SHISA6: variants seen among roughly 807,000 people sequenced by gnomAD.
SHISA6 encodes shisa family member 6, also known as protein shisa-6.
A neutral mutation model predicts 47.9 loss-of-function variants in SHISA6; 22 were observed. The ratio of observed to expected loss-of-function variants is 0.46; its 90% CI spans 0.33 to 0.66. The LOEUF (loss-of-function observed/expected upper bound fraction) is 0.66. Ranked by LOEUF, SHISA6 falls within the 30% of genes least tolerant of loss-of-function variation. The pLI is 0.02. For missense variants in SHISA6, 680 were observed against 764.6 expected, an observed-to-expected ratio of 0.89 and a Z score of 1.30; for synonymous variants, 388 against 337.8, an observed-to-expected ratio of 1.15 and a Z score of -1.63.
intron 2 of SHISA6, among the ~76,000 whole-genome samples, chr17:11,293,106 T>C (rs1909611105): frequency 6.6e-6 from 1 of 152,148 alleles, no homozygotes; most frequent in Non-Finnish European, 1.5e-5. Context: ...ATTACAGGTG[T>C]GAGCCACTGC....
chr17:11,296,715 G>A (rs1909762846), intron 2 of SHISA6, among the ~76,000 whole-genome samples: 1 of 152,044 alleles, frequency 6.6e-6, no homozygotes, highest in African/African-American at 2.4e-5. Context: ...ATTGAGCTAG[G>A]GGAGAAGGGG....
At chr17:11,383,031 G>T (rs529451032) in intron 3 of SHISA6, among the ~76,000 whole-genome samples, 1 of 149,038 alleles carries the variant, frequency 6.7e-6, no homozygotes, top group Non-Finnish European at 1.5e-5. Flanking sequence ...TCTGTCTCCC[G>T]GGTCCAAGCA....
At chr17:11,255,961 A>G (rs967075366) in intron 1 of SHISA6, among the ~76,000 whole-genome samples, 11 of 152,354 alleles carry the variant, frequency 7.2e-5, no homozygotes, top group African/African-American at 2.4e-4. Flanking sequence ...CTATTACATC[A>G]TTTAATCCTT....
chr17:11,323,390 C>T (rs565676985), intron 2 of SHISA6, among the ~76,000 whole-genome samples: 2 of 152,218 alleles, frequency 1.3e-5, no homozygotes, highest in South Asian at 2.1e-4. Flanking sequence ...CACGGTGGCT[C>T]ACACCTGTAA....
chr17:11,503,698 T>C (rs2071474303), intron 3 of SHISA6, among the ~76,000 whole-genome samples: 1 of 152,238 alleles, frequency 6.6e-6, no homozygotes, highest in Non-Finnish European at 1.5e-5. Flanking sequence ...TATATTGTTG[T>C]CGTCAAATGT....
intron 3 of SHISA6, among the ~76,000 whole-genome samples, chr17:11,440,908 T>C (rs1915077577): frequency 6.6e-6 from 1 of 151,222 alleles, no homozygotes; most frequent in Non-Finnish European, 1.5e-5. Context: ...GGGATAAAGA[T>C]AGCCTGGGAC....
At chr17:11,365,771 A>T (rs1486560727) in intron 2 of SHISA6, among the ~76,000 whole-genome samples, 1 of 152,206 alleles carries the variant, frequency 6.6e-6, no homozygotes, top group African/African-American at 2.4e-5. Context: ...GAGATGGACA[A>T]TAAACAATAA....
chr17:11,261,643 C>CT (rs1278615473), intron 1 of SHISA6, among the ~76,000 whole-genome samples: 1 of 152,160 alleles, frequency 6.6e-6, no homozygotes, highest in Non-Finnish European at 1.5e-5. Context: ...ATCAGTATGC[C>CT]TTTTTTAAAT....
chr17:11,283,996 A>T (rs1008002333), intron 2 of SHISA6, among the ~76,000 whole-genome samples: 2 of 152,032 alleles, frequency 1.3e-5, no homozygotes, highest in African/African-American at 2.4e-5. Flanking sequence ...CCTTGTTTGG[A>T]AATTCTTACA....
intron 3 of SHISA6, among the ~76,000 whole-genome samples, chr17:11,498,592 C>T (rs562926479): frequency 5.3e-5 from 8 of 152,290 alleles, no homozygotes; most frequent in Non-Finnish European, 1.0e-4. Context: ...TTGATCATTA[C>T]ACATTATGTC....
At chr17:11,368,453 G>A (rs1003524502) in intron 2 of SHISA6, among the ~76,000 whole-genome samples, 2 of 152,092 alleles carry the variant, frequency 1.3e-5, no homozygotes, top group Admixed American at 1.3e-4. Flanking sequence ...GTCCTTCCTG[G>A]AGCTTTGAAT....
At chr17:11,371,520 A>T (rs1294566055) in intron 2 of SHISA6, among the ~76,000 whole-genome samples, 1 of 152,210 alleles carries the variant, frequency 6.6e-6, no homozygotes, top group Non-Finnish European at 1.5e-5. Context: ...TTATTTGTGC[A>T]GAGTATTAGA....
intron 2 of SHISA6, among the ~76,000 whole-genome samples, chr17:11,368,803 C>T (rs569819897): frequency 6.2e-4 from 94 of 152,154 alleles, no homozygotes; most frequent in African/African-American, 2.0e-3. Context: ...ATTATAGGTG[C>T]GTGCCACCAT....
At chr17:11,294,227 G>A (rs903236732) in intron 2 of SHISA6, among the ~76,000 whole-genome samples, 2 of 152,120 alleles carry the variant, frequency 1.3e-5, no homozygotes, top group Non-Finnish European at 2.9e-5. Context: ...ATATCAGCTC[G>A]AATGACTCCA....
intron 2 of SHISA6, among the ~76,000 whole-genome samples, chr17:11,284,224 C>T (rs1217126721): frequency 6.6e-6 from 1 of 152,138 alleles, no homozygotes; most frequent in African/African-American, 2.4e-5. Context: ...TTTGGCTTAA[C>T]CAAATAAAGG....
intron 3 of SHISA6, among the ~76,000 whole-genome samples, chr17:11,409,222 A>T (rs971681233): frequency 3.9e-5 from 6 of 152,240 alleles, no homozygotes; most frequent in African/African-American, 1.4e-4. Flanking sequence ...TACCTAATTA[A>T]GTCAGACAGT....
At chr17:11,281,965 A>G (rs1041231622) in intron 2 of SHISA6, among the ~76,000 whole-genome samples, 7 of 152,228 alleles carry the variant, frequency 4.6e-5, no homozygotes, top group African/African-American at 7.2e-5. Context: ...TAAGTAAGCA[A>G]TGGTCAAATG....
intron 3 of SHISA6, among the ~76,000 whole-genome samples, chr17:11,507,676 G>A (rs2071510789): frequency 6.6e-6 from 1 of 152,204 alleles, no homozygotes; most frequent in Admixed American, 6.5e-5. Flanking sequence ...AGCATTTGGA[G>A]GAAGTGAGTG....
Position 11,559,539 on chromosome 17 carries a change from C to T in SHISA6, c.*1235C>T. On this transcript the variant is annotated 3_prime_UTR_variant, in exon 6 of 6. Coordinates refer to ENST00000441885, the MANE Select transcript of SHISA6 (RefSeq NM_207386.4). The surrounding 1 kb of genome is among the most constrained non-coding windows in gnomAD (Gnocchi z 4.4). ...CACTCCTACTGCCTGTGTCCCCTTC[C>T]CCCACATCCTCCCTGCAACTTTATT... 6.5e-6 allele frequency: 1 copy of T among 153,060 alleles called. No homozygotes were observed. Among genetic ancestry groups the T allele is most frequent in the African/African-American group, 2.4e-5 (1 of 41,568 alleles). 9.5% of individuals were successfully genotyped at this position (153,060 alleles called of 1,614,324 possible). A position where few individuals can be genotyped will look rare whatever the true frequency, so the allele number is the denominator to read the frequency against.
Sources: allele counts gnomAD v4.1 joint callset (sites outside exome capture counted in the v4.1 genomes callset), GRCh38; gene constraint gnomAD v4.1.1; non-coding constraint Gnocchi (gnomAD v3.1); transcripts MANE v1.5; gene names NCBI Gene and HGNC (gene_info 2026-07-23, HGNC 2026-07-21).